Variants in LRMDA observed in about 807,000 individuals in gnomAD.
LRMDA encodes the protein leucine rich melanocyte differentiation associated.
Under a neutral mutation model 29.8 loss-of-function variants are expected in LRMDA, and 18 were observed. That is an observed-to-expected ratio of 0.60 (90% CI 0.42 to 0.90). The LOEUF (loss-of-function observed/expected upper bound fraction) is 0.90. Among genes scored for constraint, LRMDA ranks in the 40% least tolerant of loss-of-function variants. The pLI is 0.00. For missense variants in LRMDA, 273 were observed against 273.9 expected, an observed-to-expected ratio of 1.00 and a Z score of 0.02; for synonymous variants, 125 against 109.4, an observed-to-expected ratio of 1.14 and a Z score of -0.89.
At chr10:75,875,634 G>A (rs996419964) in intron 2 of LRMDA, among the ~76,000 whole-genome samples, 1 of 152,190 alleles carries the variant, frequency 6.6e-6, no homozygotes, top group African/African-American at 2.4e-5. Flanking sequence ...GTTTCACTAT[G>A]TTGGTCAGGC....
chr10:75,681,984 T>C (rs1287547543), intron 2 of LRMDA, among the ~76,000 whole-genome samples: 1 of 152,240 alleles, frequency 6.6e-6, no homozygotes, highest in East Asian at 1.9e-4. Flanking sequence ...TTGAAGACTC[T>C]CTTCCAGCCT....
intron 5 of LRMDA, among the ~76,000 whole-genome samples, chr10:76,308,458 G>A (rs1016288435): frequency 1.3e-5 from 2 of 152,134 alleles, no homozygotes; most frequent in South Asian, 2.1e-4. Flanking sequence ...GGCCGTGCTT[G>A]TTTCCCCTCC....
intron 2 of LRMDA, among the ~76,000 whole-genome samples, chr10:75,753,334 TAAAC>T (rs1325994727): frequency 2.0e-5 from 3 of 152,148 alleles, no homozygotes; most frequent in South Asian, 2.1e-4. Context: ...AGGTGATAGA[TAAAC>T]AAATAAATTT....
intron 6 of LRMDA, among the ~76,000 whole-genome samples, chr10:76,398,111 A>G (rs1321058989): frequency 2.0e-5 from 3 of 152,198 alleles, no homozygotes; most frequent in Admixed American, 1.3e-4. Context: ...CCTTTGTAAC[A>G]TCAAAACGGA....
intron 6 of LRMDA, among the ~76,000 whole-genome samples, chr10:76,333,505 A>G (rs1305037558): frequency 6.6e-6 from 1 of 152,188 alleles, no homozygotes; most frequent in Non-Finnish European, 1.5e-5. Context: ...CAGATGGGGA[A>G]GACAGCTGGG....
chr10:75,848,143 C>T (rs934328803), intron 2 of LRMDA, among the ~76,000 whole-genome samples: 13 of 152,230 alleles, frequency 8.5e-5, no homozygotes, highest in African/African-American at 2.4e-4. Context: ...TAACAATAGT[C>T]AGTAGGTAGA....
intron 2 of LRMDA, among the ~76,000 whole-genome samples, chr10:75,994,600 C>CTAAG (rs1847427877): frequency 6.6e-6 from 1 of 152,156 alleles, no homozygotes; most frequent in South Asian, 2.1e-4. Context: ...ACCCTTTGGA[C>CTAAG]TAAGAGACAG....
intron 2 of LRMDA, among the ~76,000 whole-genome samples, chr10:75,528,884 A>G (rs1845444358): frequency 6.6e-6 from 1 of 152,220 alleles, no homozygotes; most frequent in Non-Finnish European, 1.5e-5. Flanking sequence ...AGAATACCAT[A>G]TCATACGAGC....
chr10:76,395,593 C>A (rs896623292), intron 6 of LRMDA, among the ~76,000 whole-genome samples: 1 of 152,182 alleles, frequency 6.6e-6, no homozygotes, highest in Non-Finnish European at 1.5e-5. Flanking sequence ...TGAATTAGAG[C>A]CATTTGTGTT....
intron 6 of LRMDA, among the ~76,000 whole-genome samples, chr10:76,390,862 T>C (rs1353097536): frequency 6.6e-6 from 1 of 152,208 alleles, no homozygotes; most frequent in Non-Finnish European, 1.5e-5. Flanking sequence ...GAAAAGATTT[T>C]TGGAAGGTAT....
chr10:76,236,913 T>C (rs1852163351), intron 5 of LRMDA, among the ~76,000 whole-genome samples: 1 of 152,270 alleles, frequency 6.6e-6, no homozygotes, highest in Non-Finnish European at 1.5e-5. Flanking sequence ...ATTTCAAAGC[T>C]ATGCTAACAT....
chr10:75,488,021 G>A (rs1306173665), intron 2 of LRMDA, among the ~76,000 whole-genome samples: 1 of 152,212 alleles, frequency 6.6e-6, no homozygotes, highest in Non-Finnish European at 1.5e-5. Context: ...GTGTCAGTTG[G>A]TTTGATGCCA....
At chr10:75,822,455 A>C (rs1318250301) in intron 2 of LRMDA, among the ~76,000 whole-genome samples, 1 of 151,930 alleles carries the variant, frequency 6.6e-6, no homozygotes, top group East Asian at 1.9e-4. Context: ...GCAGAATTTA[A>C]AAAAAAACTT....
intron 6 of LRMDA, among the ~76,000 whole-genome samples, chr10:76,415,968 A>G (rs1190698843): frequency 6.6e-6 from 1 of 152,178 alleles, no homozygotes; most frequent in Admixed American, 6.5e-5. Context: ...CAGCTCACAC[A>G]TATTTTGTGA....
intron 2 of LRMDA, among the ~76,000 whole-genome samples, chr10:75,804,997 G>T (rs1398285237): frequency 1.3e-5 from 2 of 152,138 alleles, no homozygotes; most frequent in Middle Eastern, 3.2e-3. Flanking sequence ...AAACAACCCT[G>T]GTGTGAGACA....
At chr10:75,935,463 C>G (rs961436698) in intron 2 of LRMDA, among the ~76,000 whole-genome samples, 2 of 152,082 alleles carry the variant, frequency 1.3e-5, no homozygotes, top group African/African-American at 4.8e-5. Flanking sequence ...GTTTGCTGTG[C>G]AGATATGACA....
chr10:75,454,456 A>C (rs1395946504), intron 2 of LRMDA, among the ~76,000 whole-genome samples: 1 of 152,128 alleles, frequency 6.6e-6, no homozygotes, highest in Non-Finnish European at 1.5e-5. Context: ...ATGCCAAAGC[A>C]CCATACTCTG....
chr10:75,644,106 G>A (rs1174401350), intron 2 of LRMDA, among the ~76,000 whole-genome samples: 6 of 152,166 alleles, frequency 3.9e-5, no homozygotes, highest in African/African-American at 1.4e-4. Context: ...CTTTGAAATA[G>A]GACCCAGGAA....
At chr10:76,223,238 C>T (rs1044490045) in intron 5 of LRMDA, among the ~76,000 whole-genome samples, 33 of 152,016 alleles carry the variant, frequency 2.2e-4, no homozygotes, top group African/African-American at 6.0e-4. Flanking sequence ...GCACATTGTG[C>T]ACATGTACCC....
Sources: gnomAD v4.1 joint callset for allele counts (sites outside exome capture counted in the v4.1 genomes callset) on GRCh38, gnomAD v4.1.1 for gene constraint, MANE v1.5 for transcripts, NCBI Gene and HGNC (gene_info 2026-07-23, HGNC 2026-07-21) for gene names.